The following DSTYK variants were observed in gnomAD, a reference collection of about 807,000 sequenced individuals.
The protein encoded by DSTYK is dual serine/threonine and tyrosine protein kinase, also known as RIP-homologous kinase.
DSTYK carries 34 observed loss-of-function variants against 98.7 expected under a neutral mutation model. That is an observed-to-expected ratio of 0.34 (90% CI 0.26 to 0.46). The LOEUF is 0.46. Among genes scored for constraint, DSTYK ranks in the 20% least tolerant of loss-of-function variants. The pLI is 1.00. For synonymous variants in DSTYK, 462 were observed against 457.3 expected, an observed-to-expected ratio of 1.01 and a Z score of -0.13; for missense variants, 962 against 1,181.7, an observed-to-expected ratio of 0.81 and a Z score of 2.73.
rs766036213 is a variant in DSTYK, at chr1:205,207,755, C to CAAAAAAAAAAAAAAAAAAAAA, written c.265+3495_265+3515dup. On this transcript the variant is annotated intron_variant, in intron 1 of 12. Transcript: ENST00000367162. ...TGGGCAATACAGAGAGACTCTGTCT[C>CAAAAAAAAAAAAAAAAAAAAA]AAAAAAAAAAAAAAAAAAAAAAAAA... Among the ~76,000 whole-genome samples the CAAAAAAAAAAAAAAAAAAAAA allele has an allele frequency of 7.6e-5, 4 of 52,728 alleles. 1 individual carries two copies. The highest frequency in any genetic ancestry group is 4.2e-4 in the African/African-American group (4 of 9,522). 34.6% of individuals were successfully genotyped at this position (52,728 alleles called of 152,430 possible). A position where few individuals can be genotyped will look rare whatever the true frequency, so the allele number is the denominator to read the frequency against.
chr1:205,204,455 T>TATACACACAC (rs1553367783), intron 1 of DSTYK, among the ~76,000 whole-genome samples: 1 of 148,680 alleles, frequency 6.7e-6, no homozygotes, highest in African/African-American at 2.5e-5. Context: ...ATGCTCACCA[T>TATACACACAC]ACACACACAC....
intron 2 of DSTYK, among the ~76,000 whole-genome samples, chr1:205,182,382 C>A (rs972020430): frequency 1.3e-5 from 2 of 151,224 alleles, no homozygotes; most frequent in African/African-American, 2.4e-5. Flanking sequence ...CAGAGTGAGA[C>A]CCTGTCTCAA....
At chr1:205,202,260 G>A (rs1358769023) in intron 1 of DSTYK, 2 of 615,954 alleles carry the variant, frequency 3.2e-6, no homozygotes, top group Non-Finnish European at 6.4e-6. Flanking sequence ...AAATCTTCGT[G>A]TTCACTTTAA....
chr1:205,192,869 A>G (rs1227227162), intron 1 of DSTYK, among the ~76,000 whole-genome samples: 1 of 152,172 alleles, frequency 6.6e-6, no homozygotes, highest in Non-Finnish European at 1.5e-5. Flanking sequence ...TTTCAAAAAG[A>G]AAAAACAAGA....
At position 205,211,524 on chromosome 1, in the gene DSTYK, G is replaced by A. The variant is rs752382267; in HGVS notation, c.12C>T (p.Asp4=). The A allele has an allele frequency of 6.5e-7, 1 of 1,547,576 alleles. No individual in the cohort carries two copies. The highest frequency in any genetic ancestry group is 1.8e-5 in the Admixed American group (1 of 54,764). ...CGGGCTCGCTGCCCCATGGCACCCC[G>A]TCGCCCTCCATCGCCTCTGCCCGCT... The part of the protein sequence containing the change: MEG[D]GVPWGSEPVS... Residue 4 remains aspartate, a synonymous_variant, in exon 1 of 13, where the codon GAC becomes GAT. Coordinates refer to ENST00000367162, the MANE Select transcript of DSTYK (RefSeq NM_015375.3).
rs1318967075 is a variant in DSTYK at position 205,211,638 on chromosome 1, A to G, written c.-103T>C. ...GAAGGGAGGAGGAATCCGCCTCCTG[A>G]CGCCCCCGCCTGCAGTCAGCCTGGC... On this transcript the variant is annotated 5_prime_UTR_variant, in exon 1 of 13. Transcript: ENST00000367162. 1 of 1,357,510 alleles carries G rather than the reference A, an allele frequency of 7.4e-7. No homozygotes were observed. Among genetic ancestry groups the G allele is most frequent in the Non-Finnish European group, 9.5e-7 (1 of 1,050,718 alleles). 84.1% of individuals were successfully genotyped at this position (1,357,510 alleles called of 1,614,324 possible). A position where few individuals can be genotyped will look rare whatever the true frequency, so the allele number is the denominator to read the frequency against.
intron 10 of DSTYK, among the ~76,000 whole-genome samples, chr1:205,152,535 A>G (rs78208329): frequency 0.018 from 2,803 of 152,304 alleles, 30 homozygotes; most frequent in South Asian, 0.047. Flanking sequence ...CCAAACTGTC[A>G]TTGCGCAGTG....
intron 2 of DSTYK, among the ~76,000 whole-genome samples, chr1:205,179,713 A>T (rs1436004318): frequency 6.7e-6 from 1 of 149,276 alleles, no homozygotes; most frequent in Admixed American, 6.6e-5. Flanking sequence ...CTGGTTACAA[A>T]GTAAAGGCTT....
In DSTYK at chr1:205,158,265, C is replaced by T. The variant is rs944466545; in HGVS notation, c.2239-879G>A. ...CATTTTCTTCATCATATTGATTCCT[C>T]ATGACTCTGGGAAGCATTTCTAAGG... is the stretch of plus-strand genomic sequence containing the variant. On this transcript the variant is annotated intron_variant, in intron 9 of 12. Transcript: ENST00000367162. Among the ~76,000 whole-genome samples the T allele has an allele frequency of 2.6e-5, 4 of 152,162 alleles. No individual in the cohort carries two copies. The South Asian group carries it at 8.3e-4, about 32-fold the overall frequency.
rs563470277 is a variant in DSTYK at position 205,164,618 on chromosome 1, C to T, written c.1325-663G>A. Among the ~76,000 whole-genome samples the T allele has an allele frequency of 4.3e-3, 651 of 152,158 alleles. 7 individuals carry two copies. Among genetic ancestry groups the T allele is most frequent in the African/African-American group, 0.015 (609 of 41,510 alleles). The stretch of plus-strand genomic sequence containing the variant: ...CTGCGACTACAGGCACCCGCCACCA[C>T]GCCTGGCTGATTTTTTGTATTTTTA... On this transcript the variant is annotated intron_variant, in intron 3 of 12. Transcript: ENST00000367162.
chr1:205,210,689 G>A (rs1659344397), intron 1 of DSTYK, among the ~76,000 whole-genome samples: 1 of 152,184 alleles, frequency 6.6e-6, no homozygotes, highest in South Asian at 2.1e-4. Flanking sequence ...GCAATTCCGT[G>A]GCACCCATCA....
chr1:205,152,845 T>G (rs1470524507), intron 10 of DSTYK, among the ~76,000 whole-genome samples: 1 of 152,238 alleles, frequency 6.6e-6, no homozygotes, highest in African/African-American at 2.4e-5. Flanking sequence ...CGGTACTGTC[T>G]TCCTCCCCAT....
At chr1:205,171,402 G>C (rs1261851465) in intron 2 of DSTYK, among the ~76,000 whole-genome samples, 1 of 148,432 alleles carries the variant, frequency 6.7e-6, no homozygotes, top group Non-Finnish European at 1.5e-5. Context: ...AGTGAGCTGA[G>C]ATCGCCCCAC....
intron 1 of DSTYK, among the ~76,000 whole-genome samples, chr1:205,203,083 C>G (rs916415549): frequency 6.6e-6 from 1 of 152,158 alleles, no homozygotes; most frequent in African/African-American, 2.4e-5. Flanking sequence ...TCTGTAAAAA[C>G]TACTTGCAAG....
rs773470145 is a variant in DSTYK, at chr1:205,147,514, G to A, written c.*44C>T. The A allele has an allele frequency of 2.5e-6, 4 of 1,579,284 alleles. No individual in the cohort carries two copies. Among genetic ancestry groups the A allele is most frequent in the Non-Finnish European group, 3.5e-6 (4 of 1,154,432 alleles). On this transcript the variant is annotated 3_prime_UTR_variant, in exon 13 of 13. Transcript: ENST00000367162. The stretch of plus-strand genomic sequence containing the variant: ...ATTCTCCCCATGGCCAAAAGGTGAG[G>A]GGGAAGGAAATAACTAGAGAGTGAA...
At chr1:205,202,453 G>C in intron 1 of DSTYK, 1 of 783,496 alleles carries the variant, frequency 1.3e-6, no homozygotes, top group Non-Finnish European at 2.3e-6. Flanking sequence ...AAAGCTTGCT[G>C]AATTTTTGCT....
rs1491311826 is a variant in DSTYK at position 205,174,512 on chromosome 1, CCA to C, written c.655-4682_655-4681del. The stretch of plus-strand genomic sequence containing the variant: ...TGGGTGACAGAGTGAGACTCCGTCT[CCA>C]AAAAAAAAAAAAAAAAAAATTAGCT... On this transcript the variant is annotated intron_variant, in intron 2 of 12. Coordinates refer to ENST00000367162, the MANE Select transcript of DSTYK (RefSeq NM_015375.3). Among the ~76,000 whole-genome samples, 95 of 40,010 alleles carry C rather than the reference CCA, an allele frequency of 2.4e-3. No homozygotes were observed. In the East Asian group the frequency reaches 0.041, roughly 17 times the overall value. The allele number at this position is 40,010 out of a possible 152,430, so 26.2% of individuals were successfully genotyped here.
rs1657139205 is a variant in DSTYK at position 205,143,735 on chromosome 1, A to G, written c.*3823T>C. The G allele has an allele frequency of 6.6e-6, 1 of 152,624 alleles. No individual in the cohort carries two copies. The highest frequency in any genetic ancestry group is 1.5e-5 in the Non-Finnish European group (1 of 68,042). The allele number at this position is 152,624 out of a possible 1,614,324, so 9.5% of individuals were successfully genotyped here. On this transcript the variant is annotated 3_prime_UTR_variant, in exon 13 of 13. Transcript: ENST00000367162. The stretch of plus-strand genomic sequence containing the variant: ...AGGCACTTCTTCCATGAGGAAGAAC[A>G]CTTTGTGACCCTTCTTTGGCAGCTC...
At chr1:205,191,791 A>G (rs1658721248) in intron 1 of DSTYK, among the ~76,000 whole-genome samples, 1 of 152,192 alleles carries the variant, frequency 6.6e-6, no homozygotes, top group Admixed American at 6.6e-5. Context: ...GGGAGGAAGA[A>G]AACCTGTTTC....
Sources: allele counts gnomAD v4.1 joint callset (sites outside exome capture counted in the v4.1 genomes callset), GRCh38; gene constraint gnomAD v4.1.1; transcripts MANE v1.5; gene names NCBI Gene and HGNC (gene_info 2026-07-23, HGNC 2026-07-21).